The following RBFOX1 variants were observed in gnomAD, a reference collection of about 807,000 sequenced individuals.
RBFOX1 encodes RNA binding fox-1 homolog 1.
RBFOX1 carries 8 observed loss-of-function variants against 57.7 expected under a neutral mutation model. That is an observed-to-expected ratio of 0.14 (90% CI 0.08 to 0.25). The LOEUF is 0.25. Ranked by LOEUF, RBFOX1 falls within the 10% of genes least tolerant of loss-of-function variation. RBFOX1 has a pLI of 1.00. For synonymous variants in RBFOX1, 326 were observed against 222.4 expected (o/e 1.47, Z -4.15); for missense variants, 611 against 548.5 (o/e 1.11, Z -1.14).
intron 2 of RBFOX1, among the ~76,000 whole-genome samples, chr16:5,531,294 G>T (rs1189412119): frequency 1.3e-5 from 2 of 152,146 alleles, no homozygotes; most frequent in African/African-American, 4.8e-5. Flanking sequence ...TCTTGCAGCA[G>T]ACAGGGGTAC....
At chr16:5,833,231 C>T (rs1280725507) in intron 3 of RBFOX1, among the ~76,000 whole-genome samples, 6 of 152,086 alleles carry the variant, frequency 3.9e-5, no homozygotes, top group Admixed American at 1.3e-4. Flanking sequence ...TGGTGGCTCA[C>T]GCCTGTAATC....
At chr16:5,811,990 A>G (rs547079664) in intron 3 of RBFOX1, among the ~76,000 whole-genome samples, 26 of 152,310 alleles carry the variant, frequency 1.7e-4, no homozygotes, top group South Asian at 8.3e-4. Flanking sequence ...TCTGATTTCT[A>G]TCTCTAGGAA....
chr16:5,251,479 C>T lies in RBFOX1; in HGVS notation c.219+11374C>T, dbSNP rs113596893. Among the ~76,000 whole-genome samples the T allele has an allele frequency of 2.0e-5, 3 of 152,198 alleles. No homozygotes were observed. In the South Asian group the frequency reaches 6.2e-4, roughly 32 times the overall value. Reference sequence around the variant, plus strand: ...TGTCTTAGTGCCGAGCCCAGAGCCACCCCTAGTACCTGCTGTGTTTATAGA... The same window carrying T: ...TGTCTTAGTGCCGAGCCCAGAGCCATCCCTAGTACCTGCTGTGTTTATAGA... On this transcript the variant is annotated intron_variant, in intron 1 of 2. Transcript: ENST00000585867.
intron 3 of RBFOX1, among the ~76,000 whole-genome samples, chr16:7,030,318 A>T (rs2153690728): frequency 6.6e-6 from 1 of 152,316 alleles, no homozygotes; most frequent in African/African-American, 2.4e-5. Flanking sequence ...AATGAGGCAT[A>T]TGAAATGTAT....
intron 3 of RBFOX1, among the ~76,000 whole-genome samples, chr16:6,941,267 CT>C (rs2078415134): frequency 7.7e-6 from 1 of 129,484 alleles, no homozygotes; most frequent in African/African-American, 2.8e-5. Context: ...CTCCCATTTC[CT>C]CTCTCCCTCC....
intron 3 of RBFOX1, among the ~76,000 whole-genome samples, chr16:5,640,494 C>T (rs1596548386): frequency 6.6e-6 from 1 of 151,856 alleles, no homozygotes; most frequent in South Asian, 2.1e-4. Context: ...CACATATATG[C>T]ACACCATGCA....
intron 3 of RBFOX1, among the ~76,000 whole-genome samples, chr16:5,693,377 A>C (rs2050751731): frequency 6.6e-6 from 1 of 150,402 alleles, no homozygotes; most frequent in African/African-American, 2.4e-5. Context: ...CAAAAAAAAA[A>C]CAAAAACAAA....
At chr16:6,178,362 T>C (rs941303618) in intron 1 of RBFOX1, among the ~76,000 whole-genome samples, 1 of 151,842 alleles carries the variant, frequency 6.6e-6, no homozygotes, top group African/African-American at 2.4e-5. Context: ...TTTTGGTATT[T>C]TTAGTATAGA....
chr16:7,341,176 A>G (rs1203726440), intron 4 of RBFOX1, among the ~76,000 whole-genome samples: 3 of 152,162 alleles, frequency 2.0e-5, no homozygotes, highest in Non-Finnish European at 2.9e-5. Context: ...CCAGCTTGCA[A>G]GGAGCCAGCA....
At position 7,711,457 on chromosome 16, in the gene RBFOX1, A is replaced by C. The variant is rs2083988878; in HGVS notation, c.*712A>C. The C allele has an allele frequency of 6.6e-6, 1 of 152,602 alleles. No homozygotes were observed. The highest frequency in any genetic ancestry group is 2.4e-5 in the African/African-American group (1 of 41,426). 9.5% of individuals were successfully genotyped at this position (152,602 alleles called of 1,614,324 possible). On this transcript the variant is annotated 3_prime_UTR_variant, in exon 16 of 16. Coordinates refer to ENST00000550418, the MANE Select transcript of RBFOX1 (RefSeq NM_018723.4). ...TAACCAGTCGCTATTTAGGAAAAAA[A>C]ACCCACTAGTTAGGCCATCAACAAG...
chr16:6,220,731 C>CGA (rs5815293), intron 1 of RBFOX1, among the ~76,000 whole-genome samples: 1 of 151,320 alleles, frequency 6.6e-6, no homozygotes, highest in East Asian at 2.0e-4. Context: ...CGCCCCCCCC[C>CGA]AGTGGAAAAT....
At chr16:5,816,691 G>C (rs922447743) in intron 3 of RBFOX1, among the ~76,000 whole-genome samples, 14 of 152,110 alleles carry the variant, frequency 9.2e-5, no homozygotes, top group Admixed American at 6.6e-4. Flanking sequence ...GGCTGAGGTG[G>C]GAGGATTGTT....
chr16:7,293,709 G>A (rs1220755156), intron 4 of RBFOX1, among the ~76,000 whole-genome samples: 1 of 152,056 alleles, frequency 6.6e-6, no homozygotes, highest in African/African-American at 2.4e-5. Flanking sequence ...GAGCCAGGAA[G>A]GTTTTCTACC....
intron 1 of RBFOX1, among the ~76,000 whole-genome samples, chr16:6,241,792 C>T (rs146058014): frequency 2.5e-4 from 38 of 152,286 alleles, no homozygotes; most frequent in African/African-American, 8.4e-4. Context: ...GGTAGTTTTT[C>T]ACAAACTCTC....
intron 1 of RBFOX1, among the ~76,000 whole-genome samples, chr16:5,278,832 T>G (rs1369234731): frequency 3.3e-5 from 5 of 152,232 alleles, no homozygotes; most frequent in Non-Finnish European, 7.3e-5. Context: ...CTGGCACCAT[T>G]TAATGAAGAG....
At chr16:5,849,336 A>G (rs938706499) in intron 3 of RBFOX1, among the ~76,000 whole-genome samples, 1 of 152,130 alleles carries the variant, frequency 6.6e-6, no homozygotes, top group African/African-American at 2.4e-5. Context: ...GGGTCCAAAC[A>G]GGAGACTTGA....
intron 3 of RBFOX1, among the ~76,000 whole-genome samples, chr16:6,906,312 A>T (rs1006180618): frequency 3.3e-5 from 5 of 152,042 alleles, no homozygotes; most frequent in Non-Finnish European, 7.4e-5. Flanking sequence ...TGGGGTAATA[A>T]AATTGTATTC....
chr16:6,104,387 G>C (rs1024650218), intron 1 of RBFOX1, among the ~76,000 whole-genome samples: 1 of 152,098 alleles, frequency 6.6e-6, no homozygotes, highest in African/African-American at 2.4e-5. Flanking sequence ...CACTATCTTG[G>C]AAATAAGGTA....
At chr16:6,211,820 TTTTATTTATTTATTTATTTATTTA>T (rs200566514) in intron 1 of RBFOX1, among the ~76,000 whole-genome samples, 1 of 140,812 alleles carries the variant, frequency 7.1e-6, no homozygotes, top group Non-Finnish European at 1.5e-5. Context: ...GGAATACATC[TTTTATTTATTTATTTATTTATTTA>T]TTTATTTATT....
Sources: gnomAD v4.1 joint callset for allele counts (sites outside exome capture counted in the v4.1 genomes callset) on GRCh38, gnomAD v4.1.1 for gene constraint, MANE v1.5 for transcripts, NCBI Gene and HGNC (gene_info 2026-07-23, HGNC 2026-07-21) for gene names.